Variants in STPG2 observed in about 807,000 individuals in gnomAD.
STPG2 encodes the protein sperm-tail PG-rich repeat-containing protein 2.
STPG2 carries 56 observed loss-of-function variants against 54.2 expected under a neutral mutation model. That is an observed-to-expected ratio of 1.03 (90% confidence interval 0.83 to 1.29). The LOEUF (loss-of-function observed/expected upper bound fraction) is 1.29. Ranked by LOEUF, STPG2 falls within the 50% of genes most tolerant of loss-of-function variation. The pLI, the probability that STPG2 is intolerant of heterozygous loss-of-function variation, is 0.00. For synonymous variants in STPG2, 200 were observed against 181.8 expected (o/e 1.10, Z -0.81); for missense variants, 596 against 544.9 (o/e 1.09, Z -0.93).
Position 97,492,235 on chromosome 4 carries a change from C to T in STPG2, c.462+220464G>A, listed in dbSNP as rs556936797. The stretch of plus-strand genomic sequence containing the variant: ...GAACTACTTGTCTTCTATTAGAACA[C>T]CGGAAATTGTAAATGTTTTTTTCTG... On this transcript the variant is annotated intron_variant, in intron 4 of 4. Transcript: ENST00000522676. 1.8e-4 allele frequency among the ~76,000 whole-genome samples: 27 copies of T among 151,556 alleles called. No individual in the cohort carries two copies. The Admixed American group carries it at 1.8e-3, about 10-fold the overall frequency.
intron 8 of STPG2, among the ~76,000 whole-genome samples, chr4:97,897,333 T>A (rs1730995154): frequency 6.6e-6 from 1 of 152,118 alleles, no homozygotes; most frequent in Non-Finnish European, 1.5e-5. Context: ...TGATTCCATG[T>A]CTTTGCTATT....
chr4:98,120,598 C>T (rs1404718924), intron 3 of STPG2, among the ~76,000 whole-genome samples: 1 of 152,118 alleles, frequency 6.6e-6, no homozygotes, highest in Non-Finnish European at 1.5e-5. Flanking sequence ...TTTTAATAAT[C>T]GCCATTCTGA....
At chr4:97,650,256 C>T (rs1722027543) in intron 10 of STPG2, among the ~76,000 whole-genome samples, 4 of 152,212 alleles carry the variant, frequency 2.6e-5, no homozygotes, top group Admixed American at 6.5e-5. Flanking sequence ...AGTACCAGTC[C>T]GTGGCCCAGG....
chr4:98,128,579 G>A lies in STPG2; in HGVS notation c.236C>T (p.Ser79Leu), dbSNP rs1739897650. ...ATCAACACTTCTGGTAAGTGTAGGT[G>A]ATCTTGAAATTTTCTGCAAGGAAAA... Reference protein sequence around the residue: ...NVSEAQKISRSPTLTRSVDVP... With the variant: ...NVSEAQKISRLPTLTRSVDVP... The change falls in exon 3 of 11, where the codon TCA becomes TTA. Residue 79 changes from serine to leucine, a missense_variant. Physicochemically the swap from Ser to Leu is moderately radical, Grantham distance 145. Coordinates refer to ENST00000295268, the MANE Select transcript of STPG2 (RefSeq NM_174952.3). The A allele has an allele frequency of 1.3e-6, 2 of 1,589,202 alleles. No individual in the cohort carries two copies. Among genetic ancestry groups the A allele is most frequent in the Non-Finnish European group, 1.7e-6 (2 of 1,171,592 alleles).
At chr4:97,782,699 C>A (rs949456829) in intron 9 of STPG2, among the ~76,000 whole-genome samples, 38 of 152,128 alleles carry the variant, frequency 2.5e-4, no homozygotes, top group African/African-American at 8.7e-4. Context: ...CCTCCAGTAA[C>A]CAAAACCACA....
At chr4:97,747,350 A>G (rs1403051470) in intron 9 of STPG2, among the ~76,000 whole-genome samples, 1 of 151,444 alleles carries the variant, frequency 6.6e-6, no homozygotes, top group East Asian at 1.9e-4. Flanking sequence ...ACAATTATGA[A>G]TAGTGGCAAT....
At chr4:97,579,458 T>A (rs915385823) in intron 10 of STPG2, among the ~76,000 whole-genome samples, 1 of 152,040 alleles carries the variant, frequency 6.6e-6, no homozygotes, top group African/African-American at 2.4e-5. Flanking sequence ...ATACTTATCT[T>A]GTTTGAAAAA....
chr4:98,017,284 G>A (rs1735985252), intron 5 of STPG2, among the ~76,000 whole-genome samples: 1 of 152,216 alleles, frequency 6.6e-6, no homozygotes, highest in Non-Finnish European at 1.5e-5. Flanking sequence ...ACAGACAAAA[G>A]TTACTTGCCT....
At chr4:97,718,280 C>A (rs947916674) in intron 9 of STPG2, among the ~76,000 whole-genome samples, 2 of 151,992 alleles carry the variant, frequency 1.3e-5, no homozygotes, top group African/African-American at 2.4e-5. Context: ...CTAAATTCTT[C>A]ACAAACATTA....
At chr4:97,483,222 C>T (rs990235428) in intron 4 of STPG2, among the ~76,000 whole-genome samples, 9 of 151,702 alleles carry the variant, frequency 5.9e-5, no homozygotes, top group African/African-American at 2.2e-4. Flanking sequence ...AATGGTACCT[C>T]ACATCTCAAT....
chr4:98,108,772 T>TACCC (rs1739258669), intron 4 of STPG2, among the ~76,000 whole-genome samples: 1 of 152,076 alleles, frequency 6.6e-6, no homozygotes, highest in African/African-American at 2.4e-5. Context: ...ACTGATAAAA[T>TACCC]AGATGTAACA....
rs573954075 is a variant in STPG2, at chr4:97,880,470, T to G, written c.1045-39538A>C. Among the ~76,000 whole-genome samples the G allele has an allele frequency of 3.3e-5, 5 of 152,120 alleles. No individual in the cohort carries two copies. The South Asian group carries it at 6.2e-4, about 19-fold the overall frequency. On this transcript the variant is annotated intron_variant, in intron 8 of 10. Coordinates refer to ENST00000295268, the MANE Select transcript of STPG2 (RefSeq NM_174952.3). Reference sequence around the variant, plus strand: ...TCTATTTCATTTAGAAGCAGCAGAGTATAGAAAATAAACCCTTGAGAAGGG... The same window carrying G: ...TCTATTTCATTTAGAAGCAGCAGAGGATAGAAAATAAACCCTTGAGAAGGG...
At chr4:98,094,620 G>C (rs1738791821) in intron 5 of STPG2, among the ~76,000 whole-genome samples, 1 of 152,008 alleles carries the variant, frequency 6.6e-6, no homozygotes. Context: ...TGACCTGAAG[G>C]GTGTGTCCCA....
chr4:98,058,485 G>A lies in STPG2; in HGVS notation c.612+47468C>T, dbSNP rs558159541. ...AAGAAGGACATTACATAATGGTAAA[G>A]GGTTCAATTCAGCAAGAAGACCTAA... On this transcript the variant is annotated intron_variant, in intron 5 of 10. Transcript: ENST00000295268. Among the ~76,000 whole-genome samples, 5 of 152,280 alleles carry A rather than the reference G, an allele frequency of 3.3e-5. No homozygotes were observed. In the South Asian group the frequency reaches 6.2e-4, roughly 19 times the overall value.
intron 10 of STPG2, among the ~76,000 whole-genome samples, chr4:97,608,043 G>T (rs186504128): frequency 2.0e-4 from 30 of 152,042 alleles, no homozygotes; most frequent in African/African-American, 7.0e-4. Flanking sequence ...AAAGGTGGGG[G>T]GAAAGGAGGC....
At chr4:97,627,808 T>C (rs1734172865) in intron 10 of STPG2, among the ~76,000 whole-genome samples, 1 of 152,138 alleles carries the variant, frequency 6.6e-6, no homozygotes, top group South Asian at 2.1e-4. Context: ...TACCATGATC[T>C]GCTGTCTGCA....
At chr4:97,923,956 G>C (rs973774496) in intron 8 of STPG2, among the ~76,000 whole-genome samples, 1 of 152,180 alleles carries the variant, frequency 6.6e-6, no homozygotes, top group Admixed American at 6.5e-5. Context: ...CCAGATAAGA[G>C]AATAAAAGCA....
At chr4:97,922,835 C>A (rs1464721038) in intron 8 of STPG2, among the ~76,000 whole-genome samples, 1 of 152,200 alleles carries the variant, frequency 6.6e-6, no homozygotes, top group East Asian at 1.9e-4. Context: ...ATTTTTCCAA[C>A]ATGCTTCTGC....
chr4:97,989,158 AT>A (rs1734933584), intron 5 of STPG2, among the ~76,000 whole-genome samples: 1 of 152,206 alleles, frequency 6.6e-6, no homozygotes, highest in Non-Finnish European at 1.5e-5. Context: ...GATATGTAAG[AT>A]TTTTTTTATC....
Sources: gnomAD v4.1 joint callset for allele counts (sites outside exome capture counted in the v4.1 genomes callset) on GRCh38, gnomAD v4.1.1 for gene constraint, MANE v1.5 for transcripts, NCBI Gene and HGNC (gene_info 2026-07-23, HGNC 2026-07-21) for gene names.